Variants in DOCK3 observed in about 807,000 individuals in gnomAD.
The protein encoded by DOCK3 is dedicator of cytokinesis 3, also known as dedicator of cytokinesis protein 3.
DOCK3 carries 60 observed loss-of-function variants against 265.6 expected under a neutral mutation model. That is an observed-to-expected ratio of 0.23 (90% confidence interval 0.18 to 0.28). The LOEUF (loss-of-function observed/expected upper bound fraction) is 0.28. Ranked by LOEUF, DOCK3 falls within the 10% of genes least tolerant of loss-of-function variation. DOCK3 has a pLI of 1.00. For missense variants in DOCK3, 1,981 were observed against 2,594.3 expected (o/e 0.76, Z 5.14); for synonymous variants, 881 against 938.0 (o/e 0.94, Z 1.11).
At chr3:50,847,683 A>G (rs2046149524) in intron 3 of DOCK3, among the ~76,000 whole-genome samples, 1 of 152,082 alleles carries the variant, frequency 6.6e-6, no homozygotes, top group Admixed American at 6.5e-5. Flanking sequence ...CAGGAGTTCA[A>G]GACTAGCCTG....
At chr3:51,221,696 C>G (rs577128823) in intron 14 of DOCK3, among the ~76,000 whole-genome samples, 6 of 152,106 alleles carry the variant, frequency 3.9e-5, no homozygotes, top group Non-Finnish European at 8.8e-5. Flanking sequence ...TGGATGTCAC[C>G]CAGGCACTAA....
intron 1 of DOCK3, among the ~76,000 whole-genome samples, chr3:50,772,805 A>G (rs1012423502): frequency 5.9e-5 from 9 of 152,288 alleles, no homozygotes; most frequent in African/African-American, 1.9e-4. Flanking sequence ...ACATAAATGG[A>G]AAGATCTCAT....
chr3:50,936,136 C>A (rs1438718226), intron 5 of DOCK3, among the ~76,000 whole-genome samples: 7 of 151,824 alleles, frequency 4.6e-5, no homozygotes, highest in Non-Finnish European at 7.4e-5. Flanking sequence ...AATGATAGAA[C>A]TGAAATCTAT....
chr3:51,102,971 C>G (rs2083143867), intron 9 of DOCK3, among the ~76,000 whole-genome samples: 1 of 152,058 alleles, frequency 6.6e-6, no homozygotes, highest in South Asian at 2.1e-4. Flanking sequence ...TAGATTCTGC[C>G]AGTTGTTTAC....
At chr3:51,233,358 C>CTATCTATCTATTTATTTATT (rs1553803193) in intron 19 of DOCK3, among the ~76,000 whole-genome samples, 1 of 61,080 alleles carries the variant, frequency 1.6e-5, no homozygotes, top group Admixed American at 1.2e-4. Context: ...ATCTATCTAT[C>CTATCTATCTATTTATTTATT]TATTTATTTA....
intron 7 of DOCK3, 73 bp downstream of exon 7, chr3:51,075,513 T>C (rs2082028678): frequency 3.1e-6 from 4 of 1,295,160 alleles, no homozygotes; most frequent in Non-Finnish European, 4.3e-6. Flanking sequence ...TTCTCTAATG[T>C]TATGAAACAA....
intron 2 of DOCK3, among the ~76,000 whole-genome samples, chr3:50,803,212 G>A (rs1055328032): frequency 6.6e-6 from 1 of 152,090 alleles, no homozygotes; most frequent in East Asian, 1.9e-4. Flanking sequence ...CTAGGCAGAG[G>A]ACCCTGCAGC....
At chr3:50,971,693 T>G (rs1049766438) in intron 5 of DOCK3, among the ~76,000 whole-genome samples, 1 of 149,750 alleles carries the variant, frequency 6.7e-6, no homozygotes, top group African/African-American at 2.4e-5. Flanking sequence ...GCTAGACAGA[T>G]AAAGGACTTT....
At position 51,048,678 on chromosome 3, in the gene DOCK3, TC is replaced by T. The variant is rs371129211; in HGVS notation, c.316-15768del. Reference sequence around the variant, plus strand: ...TGTGATTGTTTGGCATCATCATCATTCCTGACTGAATTTATATGCTAGCAAT... The same window carrying T: ...TGTGATTGTTTGGCATCATCATCATTCTGACTGAATTTATATGCTAGCAAT... On this transcript the variant is annotated intron_variant, in intron 5 of 52. Transcript: ENST00000266037. Among the ~76,000 whole-genome samples, 155 of 152,282 alleles carry T rather than the reference TC, an allele frequency of 1.0e-3. 1 individual carries two copies. Among genetic ancestry groups the T allele is most frequent in the East Asian group, 7.3e-3 (38 of 5,180 alleles).
At chr3:50,703,590 C>T (rs531781320) in intron 1 of DOCK3, among the ~76,000 whole-genome samples, 15 of 151,592 alleles carry the variant, frequency 9.9e-5, no homozygotes, top group African/African-American at 3.1e-4. Flanking sequence ...TAGATATTTT[C>T]GTTAGGGTTT....
chr3:51,228,196 G>A, intron 17 of DOCK3, 108 bp downstream of exon 17: 1 of 1,062,890 alleles, frequency 9.4e-7, no homozygotes, highest in South Asian at 1.4e-5. Flanking sequence ...GAAGACCAAG[G>A]GAAGTGCACT....
At chr3:51,123,333 A>G (rs1000637837) in intron 9 of DOCK3, among the ~76,000 whole-genome samples, 2 of 151,998 alleles carry the variant, frequency 1.3e-5, no homozygotes, top group Admixed American at 6.6e-5. Context: ...GCCCTACCCT[A>G]TATTCTTTGA....
intron 11 of DOCK3, among the ~76,000 whole-genome samples, chr3:51,159,698 T>A (rs186572256): frequency 6.6e-6 from 1 of 152,318 alleles, no homozygotes; most frequent in East Asian, 1.9e-4. Flanking sequence ...TTGTTTGTGT[T>A]TGAAATTATG....
chr3:51,133,764 G>A (rs1394429178), intron 9 of DOCK3, among the ~76,000 whole-genome samples: 1 of 152,054 alleles, frequency 6.6e-6, no homozygotes, highest in Non-Finnish European at 1.5e-5. Flanking sequence ...TGGGATAATG[G>A]TGGAAGGAAC....
chr3:51,333,957 C>T (rs868192122), intron 35 of DOCK3, among the ~76,000 whole-genome samples: 15 of 152,028 alleles, frequency 9.9e-5, no homozygotes, highest in African/African-American at 3.4e-4. Context: ...CCTCCCACCT[C>T]AGCCTCCTGA....
At chr3:50,884,590 A>G (rs1000944850) in intron 3 of DOCK3, among the ~76,000 whole-genome samples, 1 of 152,048 alleles carries the variant, frequency 6.6e-6, no homozygotes, top group Non-Finnish European at 1.5e-5. Flanking sequence ...TTCTTTGCCC[A>G]TGGTATTCCA....
rs781484477 is a variant in DOCK3, at chr3:51,227,388, A to C, written c.1483A>C (p.Ile495Leu). Residue 495 changes from isoleucine (I) to leucine (L), a missense_variant, in exon 16 of 53, where the codon ATC (isoleucine) becomes CTC (leucine). Around this residue, in one of 4 missense-constraint regions of DOCK3, gnomAD observed 1,357 missense variants for 1,866.8 expected, o/e 0.73. Coordinates refer to ENST00000266037, the MANE Select transcript of DOCK3 (RefSeq NM_004947.5). The stretch of plus-strand genomic sequence containing the variant: ...CTGGGGAGAAATTATCAAATTGCCT[A>C]TCCCCATTGACCGGTTCCGGGGCTC... The part of the protein sequence containing the change: ...PRWGEIIKLP[I>L]PIDRFRGSHL... 1.9e-6 allele frequency: 3 copies of C among 1,613,798 alleles called. No homozygotes were observed. The highest frequency in any genetic ancestry group is 2.5e-6 in the Non-Finnish European group (3 of 1,179,852).
At chr3:50,973,281 C>T (rs1354394192) in intron 5 of DOCK3, among the ~76,000 whole-genome samples, 1 of 140,402 alleles carries the variant, frequency 7.1e-6, no homozygotes, top group African/African-American at 2.8e-5. Context: ...AGTGCTATCC[C>T]TCCCCCCTCC....
chr3:50,793,223 T>A (rs2042580809), intron 2 of DOCK3, among the ~76,000 whole-genome samples: 1 of 152,160 alleles, frequency 6.6e-6, no homozygotes, highest in Admixed American at 6.6e-5. Context: ...CTCTGATGGT[T>A]ATTTGAATTT....
Sources: gnomAD v4.1 joint callset for allele counts (sites outside exome capture counted in the v4.1 genomes callset) on GRCh38, gnomAD v4.1.1 for gene constraint, gnomAD v4.1.1 regional missense constraint, MANE v1.5 for transcripts, NCBI Gene and HGNC (gene_info 2026-07-23, HGNC 2026-07-21) for gene names.